Variants in RIC3 observed in about 807,000 individuals in gnomAD.
The protein encoded by RIC3 is protein RIC-3.
Under a neutral mutation model 27.3 loss-of-function variants are expected in RIC3, and 28 were observed. The observed-to-expected ratio is 1.02, with a 90% CI of 0.76 to 1.41. RIC3 has a LOEUF of 1.41. Among genes scored for constraint, RIC3 ranks in the 40% most tolerant of loss-of-function variants. The pLI is 0.00. For synonymous variants in RIC3, 184 were observed against 160.4 expected (o/e 1.15, Z -1.11); for missense variants, 501 against 444.7 (o/e 1.13, Z -1.14).
chr11:8,145,905 G>C (rs1164384792), intron 1 of RIC3, among the ~76,000 whole-genome samples: 1 of 152,180 alleles, frequency 6.6e-6, no homozygotes, highest in Non-Finnish European at 1.5e-5. Context: ...TGACAAAGAT[G>C]TGGAGAGGCA....
chr11:8,110,519 T>C lies in RIC3; in HGVS notation c.*179A>G. ...CCTGTGTTCACACTAATGTCCGTGT[T>C]TTACAAGGTGACAGGTGTGTGAGCA... On this transcript the variant is annotated 3_prime_UTR_variant, in exon 6 of 6. Transcript: ENST00000309737. 1.4e-6 allele frequency: 1 copy of C among 693,292 alleles called. No homozygotes were observed. The allele number at this position is 693,292 out of a possible 1,614,324, so 42.9% of individuals were successfully genotyped here. A position where few individuals can be genotyped will look rare whatever the true frequency, so the allele number is the denominator to read the frequency against.
At chr11:8,101,497 G>T, downstream of RIC3, 1 of 1,614,180 alleles carries the variant, frequency 6.2e-7, no homozygotes, top group Non-Finnish European at 8.5e-7. Flanking sequence ...GGACTACATC[G>T]TGATGCAGTT....
chr11:8,168,645 G>A (rs1287718995), intron 1 of RIC3, among the ~76,000 whole-genome samples: 1 of 152,190 alleles, frequency 6.6e-6, no homozygotes, highest in Non-Finnish European at 1.5e-5. Context: ...GCATGCATAC[G>A]TTCCTGACCC....
At chr11:8,138,181 T>G in intron 3 of RIC3, 91 bp downstream of exon 3, 1 of 857,800 alleles carries the variant, frequency 1.2e-6, no homozygotes, top group South Asian at 2.0e-5. Flanking sequence ...TTTTGAGAAA[T>G]GCTTTTAAGA....
the RIC3 span, chr11:8,097,732 A>G: frequency 6.2e-7 from 1 of 1,613,968 alleles, no homozygotes; most frequent in Non-Finnish European, 8.5e-7. Context: ...CCTGGCGGGA[A>G]GGAAGAGAAA....
the RIC3 span, among the ~76,000 whole-genome samples, chr11:8,094,402 A>G: frequency 6.6e-6 from 1 of 152,032 alleles, no homozygotes; most frequent in Non-Finnish European, 1.5e-5. Context: ...CATGCCTACC[A>G]CACTGCCAGG....
At chr11:8,099,541 T>C in the RIC3 span, among the ~76,000 whole-genome samples, 1 of 152,206 alleles carries the variant, frequency 6.6e-6, no homozygotes, top group East Asian at 1.9e-4. Context: ...AAGTTCTTAC[T>C]GAGCTCCAAC....
chr11:8,148,897 T>C (rs1209491301), intron 1 of RIC3, among the ~76,000 whole-genome samples: 1 of 150,098 alleles, frequency 6.7e-6, no homozygotes, highest in African/African-American at 2.5e-5. Context: ...AAAAGAGGAG[T>C]TGGCTGGGCG....
At chr11:8,111,194 A>AC in intron 5 of RIC3, 57 bp from the exon 6 acceptor site, 1 of 1,258,076 alleles carries the variant, frequency 7.9e-7, no homozygotes, top group Non-Finnish European at 1.1e-6. Context: ...AAAAAAAAAA[A>AC]ATAGTGTCAG....
At chr11:8,147,157 C>G (rs1949770122) in intron 1 of RIC3, among the ~76,000 whole-genome samples, 1 of 152,194 alleles carries the variant, frequency 6.6e-6, no homozygotes, top group Non-Finnish European at 1.5e-5. Context: ...CACTTTGAGT[C>G]TTCCTGCCTT....
intron 4 of RIC3, among the ~76,000 whole-genome samples, chr11:8,137,034 C>CT (rs1565043764): frequency 6.6e-6 from 1 of 152,016 alleles, no homozygotes; most frequent in Non-Finnish European, 1.5e-5. Context: ...CTTTCCTTTT[C>CT]TTTTTTTGAG....
chr11:8,147,453 G>GA (rs902546053), intron 1 of RIC3, among the ~76,000 whole-genome samples: 27 of 147,092 alleles, frequency 1.8e-4, no homozygotes, highest in East Asian at 7.9e-4. Flanking sequence ...AAGAAAGAAA[G>GA]AAAAAAAAAA....
At position 8,138,255 on chromosome 11, in the gene RIC3, T is replaced by A. The variant is rs1948633050; in HGVS notation, c.427+17A>T. ...GACTCAATAATACCTGTGAATATAC[T>A]GAGAAGGGGCACTTACTAATTTTCC... is the stretch of plus-strand genomic sequence containing the variant. On this transcript the variant is annotated intron_variant, in intron 3 of 5. Coordinates refer to ENST00000309737, the MANE Select transcript of RIC3 (RefSeq NM_001206671.4). The A allele has an allele frequency of 3.8e-6, 6 of 1,572,444 alleles. No homozygotes were observed. Among genetic ancestry groups the A allele is most frequent in the Middle Eastern group, 1.7e-4 (1 of 5,984 alleles).
intron 1 of RIC3, among the ~76,000 whole-genome samples, chr11:8,158,149 T>C (rs35685874): frequency 0.019 from 2,876 of 152,278 alleles, 41 homozygotes; most frequent in Non-Finnish European, 0.031. Flanking sequence ...TACATGTATA[T>C]GTGTATATGT....
chr11:8,140,661 G>A (rs960653468), intron 1 of RIC3, among the ~76,000 whole-genome samples: 1 of 152,146 alleles, frequency 6.6e-6, no homozygotes, highest in Non-Finnish European at 1.5e-5. Context: ...GTAGTGCAGA[G>A]CCCTCCACTG....
intron 1 of RIC3, among the ~76,000 whole-genome samples, chr11:8,159,306 A>G (rs1380888683): frequency 6.6e-6 from 1 of 152,244 alleles, no homozygotes; most frequent in Non-Finnish European, 1.5e-5. Context: ...TTCAAGGAAC[A>G]GTGAGGAGGA....
chr11:8,096,817 G>A, the RIC3 span: 2 of 1,613,938 alleles, frequency 1.2e-6, no homozygotes, highest in African/African-American at 1.3e-5. Flanking sequence ...GTGAGTGAGT[G>A]AGTCTGCATC....
At chr11:8,162,865 C>T (rs757216756) in intron 1 of RIC3, among the ~76,000 whole-genome samples, 1 of 151,788 alleles carries the variant, frequency 6.6e-6, no homozygotes, top group African/African-American at 2.4e-5. Flanking sequence ...AGGCTGGTCT[C>T]GAACTCCTGG....
At chr11:8,112,475 A>G (rs1036816118) in intron 5 of RIC3, among the ~76,000 whole-genome samples, 3 of 151,978 alleles carry the variant, frequency 2.0e-5, no homozygotes, top group Admixed American at 6.6e-5. Flanking sequence ...TTGTATTTTT[A>G]GCAGAGACGG....
Sources: gnomAD v4.1 joint callset for allele counts (sites outside exome capture counted in the v4.1 genomes callset) on GRCh38, gnomAD v4.1.1 for gene constraint, MANE v1.5 for transcripts, NCBI Gene and HGNC (gene_info 2026-07-23, HGNC 2026-07-21) for gene names.